Variants in PLS3 observed in about 807,000 individuals in gnomAD.
PLS3 encodes plastin-3.
Under a neutral mutation model 46.5 loss-of-function variants are expected in PLS3, and 11 were observed. The ratio of observed to expected loss-of-function variants is 0.24; its 90% confidence interval spans 0.15 to 0.39. PLS3 has a LOEUF of 0.39. Among genes scored for constraint, PLS3 ranks in the 10% least tolerant of loss-of-function variants. PLS3 has a pLI of 1.00. For synonymous variants in PLS3, 167 were observed against 162.2 expected (o/e 1.03, Z -0.22); for missense variants, 308 against 461.8 (o/e 0.67, Z 3.05).
At chrX:115,585,860 T>C (rs1264272054) in intron 1 of PLS3, among the ~76,000 whole-genome samples, 1 of 111,913 alleles carries the variant, frequency 8.9e-6, no homozygotes, top group Non-Finnish European at 1.9e-5. Context: ...AATACTATAG[T>C]ATACTTCTTA....
intron 1 of PLS3, among the ~76,000 whole-genome samples, chrX:115,593,900 A>G (rs958720714): frequency 1.6e-4 from 18 of 110,880 alleles, no homozygotes; most frequent in Non-Finnish European, 7.6e-5. Flanking sequence ...GGGAGTTTAT[A>G]CTTTTTAAAA....
intron 2 of PLS3, among the ~76,000 whole-genome samples, chrX:115,621,667 C>T (rs1224126561): frequency 9.0e-6 from 1 of 111,459 alleles, no homozygotes; most frequent in African/African-American, 3.3e-5. Flanking sequence ...TTTATAGAGT[C>T]ATATTAAATA....
At chrX:115,612,652 T>G (rs782244408) in intron 2 of PLS3, among the ~76,000 whole-genome samples, 10 of 111,695 alleles carry the variant, frequency 9.0e-5, no homozygotes, top group Admixed American at 3.8e-4. Flanking sequence ...GATTATCTCC[T>G]TAGAAATTCA....
chrX:115,587,224 C>A (rs1556632558), intron 1 of PLS3, among the ~76,000 whole-genome samples: 2 of 112,354 alleles, frequency 1.8e-5, no homozygotes, highest in Admixed American at 9.4e-5. Flanking sequence ...AAAAATCTTA[C>A]AACATGCATT....
At chrX:115,643,146 A>G (rs1207473519) in intron 9 of PLS3, among the ~76,000 whole-genome samples, 167 bp from the exon 10 acceptor site, 2 of 111,547 alleles carry the variant, frequency 1.8e-5, no homozygotes, top group African/African-American at 6.5e-5. Flanking sequence ...CAGGTACTGC[A>G]TCTCCAAGAG....
At chrX:115,648,475 C>G (rs782715610) in intron 15 of PLS3, among the ~76,000 whole-genome samples, 98 of 111,207 alleles carry the variant, frequency 8.8e-4, no homozygotes, top group African/African-American at 3.1e-3. Context: ...AGAATGCTTG[C>G]TAGCCCTCCA....
At chrX:115,596,403 G>C (rs2074389237) in intron 1 of PLS3, among the ~76,000 whole-genome samples, 1 of 111,789 alleles carries the variant, frequency 8.9e-6, no homozygotes, top group Non-Finnish European at 1.9e-5. Flanking sequence ...TACCAACCGT[G>C]CTTTTAAGGA....
intron 5 of PLS3, among the ~76,000 whole-genome samples, chrX:115,632,466 A>G (rs936432371): frequency 1.1e-4 from 12 of 110,396 alleles, no homozygotes; most frequent in Admixed American, 1.1e-3. Flanking sequence ...CCTGTCTCTA[A>G]AAAATAACAA....
intron 1 of PLS3, among the ~76,000 whole-genome samples, chrX:115,588,564 G>C (rs1442135940): frequency 8.9e-6 from 1 of 111,736 alleles, no homozygotes; most frequent in East Asian, 2.8e-4. Flanking sequence ...TAAAAGTTTC[G>C]TAGTCGCAAT....
intron 1 of PLS3, among the ~76,000 whole-genome samples, chrX:115,589,114 A>C (rs1161672065): frequency 3.6e-5 from 4 of 110,273 alleles, no homozygotes; most frequent in African/African-American, 6.6e-5. Context: ...ACTACAGGCG[A>C]CAGCCACCAT....
chrX:115,634,257 GC>G (rs1556639855), intron 6 of PLS3, among the ~76,000 whole-genome samples, 176 bp downstream of exon 6: 1 of 111,777 alleles, frequency 8.9e-6, no homozygotes, highest in Non-Finnish European at 1.9e-5. Flanking sequence ...TTCTGAGCTT[GC>G]CTGAGATTAA....
At chrX:115,577,994 G>T (rs1372115620) in intron 1 of PLS3, among the ~76,000 whole-genome samples, 1 of 111,897 alleles carries the variant, frequency 8.9e-6, no homozygotes, top group Non-Finnish European at 1.9e-5. Flanking sequence ...TCTTTATGAA[G>T]CTTACATCCT....
At chrX:115,637,709 A>G (rs2074852092) in intron 8 of PLS3, among the ~76,000 whole-genome samples, 1 of 111,803 alleles carries the variant, frequency 8.9e-6, no homozygotes, top group African/African-American at 3.3e-5. Flanking sequence ...TCTGTGTGAC[A>G]TCCAGATGTT....
chrX:115,583,513 A>G (rs1034119629), intron 1 of PLS3, among the ~76,000 whole-genome samples: 5 of 112,859 alleles, frequency 4.4e-5, no homozygotes, highest in Non-Finnish European at 9.4e-5. Flanking sequence ...TGACTCCACA[A>G]TGATAGTGGA....
chrX:115,631,133 C>T (rs1338370942), intron 5 of PLS3, among the ~76,000 whole-genome samples: 5 of 104,420 alleles, frequency 4.8e-5, no homozygotes, highest in Non-Finnish European at 5.8e-5. Flanking sequence ...TTTGGCTCAC[C>T]GCAACCTCCG....
At chrX:115,643,165 T>G (rs868921063) in intron 9 of PLS3, 148 bp from the exon 10 acceptor site, 83 of 368,473 alleles carry the variant, frequency 2.3e-4, no homozygotes, top group African/African-American at 1.8e-3. Context: ...AGGGCCAACC[T>G]TTTTTTTTGC....
At chrX:115,646,681 A>C (rs904162460) in intron 13 of PLS3, 146 bp downstream of exon 13, 7 of 481,369 alleles carry the variant, frequency 1.5e-5, no homozygotes, top group South Asian at 6.7e-5. Flanking sequence ...TAATTAATGA[A>C]TATATGTTGG....
chrX:115,586,961 C>T (rs188604865), intron 1 of PLS3, among the ~76,000 whole-genome samples: 1 of 112,557 alleles, frequency 8.9e-6, no homozygotes, highest in Non-Finnish European at 1.9e-5. Context: ...GGTTTGCTGT[C>T]TCTAAAATTA....
In PLS3 at chrX:115,643,205, A is replaced by G. The variant is rs1027144124; in HGVS notation, c.988-108A>G. The stretch of plus-strand genomic sequence containing the variant: ...AAAACAATTTTATAATAAGTACCAT[A>G]TGTTAGCTAAAAGAAAGTAGAACTG... On this transcript the variant is annotated intron_variant, in intron 9 of 15. Transcript: ENST00000355899. The G allele has an allele frequency of 1.8e-5, 9 of 513,526 alleles. No individual in the cohort carries two copies. In the Admixed American group the frequency reaches 2.6e-4, roughly 15 times the overall value. The allele number at this position is 513,526 out of a possible 1,213,427, so 42.3% of individuals were successfully genotyped here.
Sources: allele counts gnomAD v4.1 joint callset (sites outside exome capture counted in the v4.1 genomes callset), GRCh38; gene constraint gnomAD v4.1.1; transcripts MANE v1.5; gene names NCBI Gene and HGNC (gene_info 2026-07-23, HGNC 2026-07-21).